The following TSC22D4 variants were observed in gnomAD, a reference collection of about 807,000 sequenced individuals.
TSC22D4 encodes TSC22 domain family member 4.
A neutral mutation model predicts 24.9 loss-of-function variants in TSC22D4; 5 were observed. That is an observed-to-expected ratio of 0.20 (90% CI 0.10 to 0.42). The LOEUF (loss-of-function observed/expected upper bound fraction) is 0.42. TSC22D4 is among the 10% of genes least tolerant of loss of function. The pLI, the probability that TSC22D4 is intolerant of heterozygous loss-of-function variation, is 1.00. For missense variants in TSC22D4, 469 were observed against 547.9 expected (o/e 0.86, Z 1.44); for synonymous variants, 245 against 243.2 (o/e 1.01, Z -0.07).
At position 100,467,116 on chromosome 7, in the gene TSC22D4, A is replaced by G; in HGVS notation, c.1031T>C (p.Leu344Pro). Residue 344 changes from leucine to proline, a missense_variant, in exon 5 of 5, where the codon CTG becomes CCG. Transcript: ENST00000300181. ...MFAVREEVEV[L>P]KEQIRELAER... ...CGCCAATTCCCGGATCTGCTCCTTC[A>G]GCACCTCCACCTCCTCCCGGACCGC... 6.2e-7 allele frequency: 1 copy of G among 1,614,130 alleles called. No individual in the cohort carries two copies. Among genetic ancestry groups the G allele is most frequent in the Non-Finnish European group, 8.5e-7 (1 of 1,180,002 alleles).
intron 2 of TSC22D4, among the ~76,000 whole-genome samples, chr7:100,476,977 C>G (rs1799508034): frequency 6.6e-6 from 1 of 151,998 alleles, no homozygotes; most frequent in South Asian, 2.1e-4. Context: ...GGGCTGAGAC[C>G]AAGACAGAAG....
In TSC22D4 at chr7:100,466,640, A is replaced by G. The variant is rs538293357; in HGVS notation, c.*319T>C. 1 of 346,478 alleles carries G rather than the reference A, an allele frequency of 2.9e-6. No homozygotes were observed. The highest frequency in any genetic ancestry group is 5.2e-5 in the East Asian group (1 of 19,356). 21.5% of individuals were successfully genotyped at this position (346,478 alleles called of 1,614,324 possible). On this transcript the variant is annotated 3_prime_UTR_variant, in exon 5 of 5. Transcript: ENST00000300181. ...AGAGGAGAGGAGGCACCTCAAGGGA[A>G]CAAGATGGGGGTGGGGTGTCTGCCG...
intron 4 of TSC22D4, 137 bp from the exon 5 acceptor site, chr7:100,467,305 G>T: frequency 1.0e-6 from 1 of 999,292 alleles, no homozygotes; most frequent in Non-Finnish European, 1.6e-6. Flanking sequence ...CAGGGGAAAA[G>T]GACGAGGGAC....
Position 100,477,647 on chromosome 7 carries a change from G to A in TSC22D4, c.392C>T (p.Ala131Val), listed in dbSNP as rs1190587407. 6.9e-6 allele frequency: 11 copies of A among 1,594,092 alleles called. No individual in the cohort carries two copies. Among genetic ancestry groups the A allele is most frequent in the Admixed American group, 3.4e-5 (2 of 57,996 alleles). ...GGTGGGGGCGCCCAGGCCGAGGCTG[G>A]CCAGCTCCAACCTGGAATCCAAAGA... ...GRSLDSRLEL[A>V]SLGLGAPTPP... The change falls in exon 2 of 5, where the codon GCC becomes GTC. Residue 131 changes from alanine to valine, a missense_variant. Ala to Val is a moderately conservative substitution (Grantham distance 64, BLOSUM62 0). Transcript: ENST00000300181. This position sits in a 1 kb window ranked among gnomAD's most constrained non-coding sequence, Gnocchi z 7.8.
chr7:100,472,526 G>T (rs893285271), intron 3 of TSC22D4, among the ~76,000 whole-genome samples: 1 of 152,042 alleles, frequency 6.6e-6, no homozygotes, highest in Non-Finnish European at 1.5e-5. Context: ...CAACAGGGGT[G>T]GGGGAGGGAC....
Position 100,477,244 on chromosome 7 carries a change from G to A in TSC22D4, c.762+33C>T, listed in dbSNP as rs1799515254. 7.6e-6 allele frequency: 11 copies of A among 1,456,948 alleles called. No homozygotes were observed. Among genetic ancestry groups the A allele is most frequent in the Non-Finnish European group, 1.0e-5 (11 of 1,101,012 alleles). 90.3% of individuals were successfully genotyped at this position (1,456,948 alleles called of 1,614,324 possible). ...GGCTCAAGATAGAGGTTAGGCCAGG[G>A]CTGATGGGCCAGCCCTAGAACCCAG... is the stretch of plus-strand genomic sequence containing the variant. On this transcript the variant is annotated intron_variant, in intron 2 of 4. Coordinates refer to ENST00000300181, the MANE Select transcript of TSC22D4 (RefSeq NM_030935.5). This position sits in a 1 kb window ranked among gnomAD's most constrained non-coding sequence, Gnocchi z 7.8.
chr7:100,467,850 G>A (rs903044643), intron 3 of TSC22D4: 2 of 678,908 alleles, frequency 2.9e-6, no homozygotes, highest in South Asian at 1.5e-5. Context: ...AAGAGGCACA[G>A]CCCCTTTTTC....
In TSC22D4 at chr7:100,478,042, C is replaced by A; in HGVS notation, c.-4G>T. The A allele has an allele frequency of 1.3e-6, 2 of 1,590,074 alleles. No individual in the cohort carries two copies. The highest frequency in any genetic ancestry group is 1.7e-6 in the Non-Finnish European group (2 of 1,170,748). On this transcript the variant is annotated 5_prime_UTR_variant, in exon 2 of 5. Coordinates refer to ENST00000300181, the MANE Select transcript of TSC22D4 (RefSeq NM_030935.5). ...TCTTCTTCTTGCCCCCGCTCATGGT[C>A]CCTGGGGCTCAGGGCTGGGCCAAGG...
chr7:100,472,937 C>T (rs1264791537), intron 3 of TSC22D4, among the ~76,000 whole-genome samples: 5 of 152,076 alleles, frequency 3.3e-5, no homozygotes, highest in Admixed American at 1.3e-4. Context: ...GCCCCACCCC[C>T]AATTTCCTTC....
At chr7:100,471,944 C>T (rs966656299) in intron 3 of TSC22D4, among the ~76,000 whole-genome samples, 3 of 152,028 alleles carry the variant, frequency 2.0e-5, no homozygotes, top group Non-Finnish European at 4.4e-5. Context: ...CTGGATCCCC[C>T]AGGCCGGTCA....
intron 3 of TSC22D4, 34 bp from the exon 4 acceptor site, chr7:100,467,634 G>T: frequency 6.2e-7 from 1 of 1,610,028 alleles, no homozygotes; most frequent in Non-Finnish European, 8.5e-7. Context: ...GGGAGGAGAG[G>T]AGAAGCCTTC....
At chr7:100,469,490 T>C (rs924815244) in intron 3 of TSC22D4, among the ~76,000 whole-genome samples, 2 of 152,084 alleles carry the variant, frequency 1.3e-5, no homozygotes, top group African/African-American at 4.8e-5. Context: ...GTTGGGCTCC[T>C]GGTCCCAGAA....
Position 100,477,880 on chromosome 7 carries a change from CCCCGGATCGGGGCT to C in TSC22D4, c.145_158del (p.Ser49GlyfsTer44). 1 of 1,579,936 alleles carries C rather than the reference CCCCGGATCGGGGCT, an allele frequency of 6.3e-7. No homozygotes were observed. Among genetic ancestry groups the C allele is most frequent in the Non-Finnish European group, 8.6e-7 (1 of 1,164,656 alleles). ...AGCCATTCCGGGGGGTGCCCTTGCC[CCCCGGATCGGGGCT>C]GGGCTCCCCATTGGGCAGGCGGGGC... is the stretch of plus-strand genomic sequence containing the variant. On this transcript the variant is annotated frameshift_variant, in exon 2 of 5. Transcript: ENST00000300181. LOFTEE classifies it high-confidence loss of function. The surrounding 1 kb of genome is among the most constrained non-coding windows in gnomAD (Gnocchi z 7.8).
chr7:100,476,475 A>G (rs1479704977), intron 2 of TSC22D4, among the ~76,000 whole-genome samples: 1 of 152,164 alleles, frequency 6.6e-6, no homozygotes, highest in African/African-American at 2.4e-5. Context: ...CCAACCTTCT[A>G]TCTCTGGCTG....
At position 100,477,186 on chromosome 7, in the gene TSC22D4, G is replaced by A; in HGVS notation, c.762+91C>T. On this transcript the variant is annotated intron_variant, in intron 2 of 4. Coordinates refer to ENST00000300181, the MANE Select transcript of TSC22D4 (RefSeq NM_030935.5). This position sits in a 1 kb window ranked among gnomAD's most constrained non-coding sequence, Gnocchi z 7.8. ...TCTGATCTTATAAAGTGATGGAGAA[G>A]GAGGAGGAGAGGGGGGGGAGGAGGA... is the stretch of plus-strand genomic sequence containing the variant. 1.9e-6 allele frequency: 2 copies of A among 1,078,838 alleles called. No homozygotes were observed. The highest frequency in any genetic ancestry group is 2.7e-5 in the East Asian group (1 of 36,538). The allele number at this position is 1,078,838 out of a possible 1,614,324, so 66.8% of individuals were successfully genotyped here.
At position 100,467,077 on chromosome 7, in the gene TSC22D4, G is replaced by A. The variant is rs568003941; in HGVS notation, c.1070C>T (p.Ala357Val). 1.9e-4 allele frequency: 308 copies of A among 1,614,068 alleles called. 2 individuals are homozygous for A. In the South Asian group the frequency reaches 2.6e-3, roughly 14 times the overall value. Residue 357 changes from alanine (A) to valine (V), a missense_variant, in exon 5 of 5, where the codon GCG becomes GTG. Ala to Val is a moderately conservative substitution (Grantham distance 64, BLOSUM62 0). Coordinates refer to ENST00000300181, the MANE Select transcript of TSC22D4 (RefSeq NM_030935.5). ...QIRELAERNA[A>V]LEQENGLLRA... ...CAGCAGCCCATTCTCCTGCTCCAGC[G>A]CAGCGTTCCGCTCCGCCAATTCCCG...
In TSC22D4 at chr7:100,477,452, G is replaced by T; in HGVS notation, c.587C>A (p.Pro196Gln). The T allele has an allele frequency of 6.4e-7, 1 of 1,563,696 alleles. No individual in the cohort carries two copies. The highest frequency in any genetic ancestry group is 8.7e-7 in the Non-Finnish European group (1 of 1,155,668). Reference sequence around the variant, plus strand: ...CGCACTCTCACCGGTCTCAGGCTCTGGGGGGCGCTGCTGGGGTGAGGAGGC... The same window carrying T: ...CGCACTCTCACCGGTCTCAGGCTCTTGGGGGCGCTGCTGGGGTGAGGAGGC... The part of the protein sequence containing the change: ...LSASSPQQRP[P>Q]EPETGESAGT... Residue 196 changes from proline to glutamine, a missense_variant, in exon 2 of 5, where the codon CCA becomes CAA. Physicochemically the swap from Pro to Gln is moderately conservative, Grantham distance 76. Coordinates refer to ENST00000300181, the MANE Select transcript of TSC22D4 (RefSeq NM_030935.5). The surrounding 1 kb of genome is among the most constrained non-coding windows in gnomAD (Gnocchi z 7.8).
chr7:100,477,438 C>G lies in TSC22D4; in HGVS notation c.601G>C (p.Gly201Arg). 1 of 1,574,586 alleles carries G rather than the reference C, an allele frequency of 6.4e-7. No individual in the cohort carries two copies. The highest frequency in any genetic ancestry group is 2.2e-5 in the East Asian group (1 of 44,542). ...GCCCGGGATGTGCCCGCACTCTCACCGGTCTCAGGCTCTGGGGGGCGCTGC... is the reference window on the plus strand; with the variant it reads ...GCCCGGGATGTGCCCGCACTCTCACGGGTCTCAGGCTCTGGGGGGCGCTGC... The part of the protein sequence containing the change: ...PQQRPPEPET[G>R]ESAGTSRAAT... Residue 201 changes from glycine to arginine, a missense_variant, in exon 2 of 5, where the codon GGT becomes CGT. By Grantham distance (125) the Gly-to-Arg change is moderately radical. Transcript: ENST00000300181. The surrounding 1 kb of genome is among the most constrained non-coding windows in gnomAD (Gnocchi z 7.8).
intron 3 of TSC22D4, among the ~76,000 whole-genome samples, chr7:100,472,380 C>G (rs949697465): frequency 8.2e-6 from 1 of 122,116 alleles, no homozygotes; most frequent in Non-Finnish European, 1.7e-5. Context: ...GGCTGGGAAC[C>G]GGACCGGTCA....
Sources: allele counts gnomAD v4.1 joint callset (sites outside exome capture counted in the v4.1 genomes callset), GRCh38; gene constraint gnomAD v4.1.1; non-coding constraint Gnocchi (gnomAD v3.1); transcripts MANE v1.5; gene names NCBI Gene and HGNC (gene_info 2026-07-23, HGNC 2026-07-21).